The following SLC30A8 variants were observed in gnomAD, a reference collection of about 807,000 sequenced individuals.
The protein encoded by SLC30A8 is solute carrier family 30 member 8.
A neutral mutation model predicts 36.9 loss-of-function variants in SLC30A8; 27 were observed. The observed-to-expected ratio is 0.73, with a 90% CI of 0.54 to 1.01. The LOEUF is 1.01. Ranked by LOEUF, SLC30A8 falls within the 50% of genes least tolerant of loss-of-function variation. The probability of loss-of-function intolerance (pLI) is 0.00; values close to 1 mark genes in which losing one functional copy is unlikely to be tolerated. For synonymous variants in SLC30A8, 164 were observed against 172.4 expected (o/e 0.95, Z 0.38); for missense variants, 439 against 452.0 (o/e 0.97, Z 0.26).
chr8:117,166,766 A>ATTTTTTTTTTTTTTT (rs71305462), intron 6 of SLC30A8, among the ~76,000 whole-genome samples: 31 of 128,640 alleles, frequency 2.4e-4, no homozygotes, highest in African/African-American at 9.1e-4. Flanking sequence ...ACATTAGCTG[A>ATTTTTTTTTTTTTTT]TTTTTTTTTT....
At chr8:117,115,189 C>G (rs1034998053) in intron 2 of SLC30A8, among the ~76,000 whole-genome samples, 1 of 152,088 alleles carries the variant, frequency 6.6e-6, no homozygotes, top group Admixed American at 6.6e-5. Flanking sequence ...ATCTTCCTGC[C>G]TTGGCCTTCC....
At chr8:117,031,853 C>A (rs956714406) in intron 1 of SLC30A8, among the ~76,000 whole-genome samples, 3 of 152,104 alleles carry the variant, frequency 2.0e-5, no homozygotes, top group Non-Finnish European at 2.9e-5. Context: ...CTGCTGATAC[C>A]CGAAGGACTC....
intron 2 of SLC30A8, among the ~76,000 whole-genome samples, chr8:117,093,355 T>G (rs1819214876): frequency 6.6e-6 from 1 of 150,506 alleles, no homozygotes. Flanking sequence ...GTACTCATTC[T>G]TATTAAGTCT....
chr8:117,168,839 C>G (rs1054093334), intron 6 of SLC30A8, among the ~76,000 whole-genome samples: 3 of 152,142 alleles, frequency 2.0e-5, no homozygotes, highest in Admixed American at 2.0e-4. Flanking sequence ...ACATTGGGAT[C>G]TGATATCCCT....
intron 2 of SLC30A8, among the ~76,000 whole-genome samples, chr8:117,048,549 T>C (rs962233777): frequency 2.6e-5 from 4 of 152,224 alleles, no homozygotes; most frequent in African/African-American, 4.8e-5. Context: ...GTTGAATTGC[T>C]TCATTTATCA....
intron 6 of SLC30A8, among the ~76,000 whole-genome samples, chr8:117,164,970 C>G (rs1822986062): frequency 6.6e-6 from 1 of 152,170 alleles, no homozygotes; most frequent in South Asian, 2.1e-4. Context: ...CCTCCTCTCC[C>G]CCATTCTGCA....
At chr8:116,994,924 G>T (rs1323555114) in intron 1 of SLC30A8, among the ~76,000 whole-genome samples, 1 of 152,066 alleles carries the variant, frequency 6.6e-6, no homozygotes, top group African/African-American at 2.4e-5. Flanking sequence ...GAAGAAGACT[G>T]CAAAAATGTA....
chr8:117,038,322 G>A (rs1290772876), intron 1 of SLC30A8, among the ~76,000 whole-genome samples: 2 of 152,038 alleles, frequency 1.3e-5, no homozygotes, highest in African/African-American at 4.8e-5. Context: ...AGATCGATAT[G>A]TACATCTTTA....
chr8:117,052,185 A>G (rs1322698020), intron 2 of SLC30A8, among the ~76,000 whole-genome samples: 1 of 151,936 alleles, frequency 6.6e-6, no homozygotes, highest in East Asian at 1.9e-4. Flanking sequence ...TAATTTTTCT[A>G]TTATTAGTAG....
At chr8:116,994,632 G>A (rs1464571961) in intron 1 of SLC30A8, among the ~76,000 whole-genome samples, 4 of 152,070 alleles carry the variant, frequency 2.6e-5, no homozygotes, top group African/African-American at 9.7e-5. Flanking sequence ...GGGTGATTTC[G>A]AGAGAGGGAC....
chr8:117,167,778 A>G (rs911283019), intron 6 of SLC30A8, among the ~76,000 whole-genome samples: 1 of 152,178 alleles, frequency 6.6e-6, no homozygotes, highest in South Asian at 2.1e-4. Context: ...TAGCACTTGT[A>G]TATCTGTGGA....
At chr8:116,981,164 G>A (rs1029152416) in intron 1 of SLC30A8, among the ~76,000 whole-genome samples, 6 of 152,162 alleles carry the variant, frequency 3.9e-5, no homozygotes, top group Admixed American at 6.5e-5. Flanking sequence ...AGCAATTTGC[G>A]GTGATGTGTT....
chr8:117,013,505 T>C (rs1189572320), intron 1 of SLC30A8, among the ~76,000 whole-genome samples: 2 of 152,090 alleles, frequency 1.3e-5, no homozygotes, highest in African/African-American at 2.4e-5. Flanking sequence ...AAGAAGAAAA[T>C]GTGGAAGTAA....
intron 1 of SLC30A8, among the ~76,000 whole-genome samples, chr8:116,984,639 G>C (rs1815381552): frequency 6.6e-6 from 1 of 151,854 alleles, no homozygotes. Context: ...CTTTCTAATT[G>C]GGTTGTTTGC....
intron 2 of SLC30A8, among the ~76,000 whole-genome samples, chr8:117,057,144 G>C (rs946828515): frequency 6.6e-6 from 1 of 152,124 alleles, no homozygotes; most frequent in African/African-American, 2.4e-5. Context: ...TGTCGAGTGA[G>C]GGTCTGTTTC....
At chr8:117,022,100 T>C (rs1816716122) in intron 1 of SLC30A8, among the ~76,000 whole-genome samples, 1 of 151,478 alleles carries the variant, frequency 6.6e-6, no homozygotes, top group South Asian at 2.1e-4. Context: ...CTCGGGAGGC[T>C]GGGGCAGGAG....
At chr8:117,156,337 C>T (rs1586599783) in intron 3 of SLC30A8, among the ~76,000 whole-genome samples, 1 of 152,174 alleles carries the variant, frequency 6.6e-6, no homozygotes, top group East Asian at 1.9e-4. Context: ...GCCGCCGCAC[C>T]CAGCCAAAGA....
At chr8:117,018,671 C>CG (rs1168960523) in intron 1 of SLC30A8, among the ~76,000 whole-genome samples, 11 of 124,460 alleles carry the variant, frequency 8.8e-5, no homozygotes, top group East Asian at 3.0e-4. Context: ...TAGCCCCCCC[C>CG]CCCCTTTTTT....
intron 2 of SLC30A8, among the ~76,000 whole-genome samples, chr8:117,097,989 TTAAA>T (rs1423502180): frequency 2.4e-5 from 3 of 126,310 alleles, no homozygotes; most frequent in South Asian, 2.3e-4. Flanking sequence ...TTTAATAAAT[TTAAA>T]TAAATATATA....
Sources: gnomAD v4.1 joint callset for allele counts (sites outside exome capture counted in the v4.1 genomes callset) on GRCh38, gnomAD v4.1.1 for gene constraint, MANE v1.5 for transcripts, NCBI Gene and HGNC (gene_info 2026-07-23, HGNC 2026-07-21) for gene names.